Variants in KIF5C observed in about 807,000 individuals in gnomAD.
The protein encoded by KIF5C is kinesin family member 5C.
In KIF5C, 18 loss-of-function variants were observed where a neutral mutation model predicts 125.2. The observed-to-expected ratio is 0.14, with a 90% CI of 0.10 to 0.21. KIF5C has a LOEUF of 0.21. Ranked by LOEUF, KIF5C falls within the 10% of genes least tolerant of loss-of-function variation. The pLI is 1.00. For missense variants in KIF5C, 780 were observed against 1,183.8 expected, an observed-to-expected ratio of 0.66 and a Z score of 5.01; for synonymous variants, 405 against 434.0, an observed-to-expected ratio of 0.93 and a Z score of 0.83.
intron 23 of KIF5C, among the ~76,000 whole-genome samples, chr2:149,008,927 CT>C (rs1682094095): frequency 6.6e-6 from 1 of 151,012 alleles, no homozygotes; most frequent in Admixed American, 6.6e-5. Context: ...TGTCAGGGAG[CT>C]TGAAATAGGG....
chr2:148,878,419 T>C (rs979090417), intron 1 of KIF5C: 1 of 152,278 alleles, frequency 6.6e-6, no homozygotes, highest in East Asian at 1.9e-4. Flanking sequence ...TATTCCATGA[T>C]ATGAATATAC....
intron 25 of KIF5C, among the ~76,000 whole-genome samples, chr2:149,018,148 G>C (rs1317810101): frequency 2.0e-5 from 3 of 151,928 alleles, no homozygotes; most frequent in African/African-American, 7.3e-5. Context: ...AATTAGCCAG[G>C]TGTGGTAGTG....
At chr2:149,002,615 C>T (rs998574711) in intron 21 of KIF5C, among the ~76,000 whole-genome samples, 2 of 152,210 alleles carry the variant, frequency 1.3e-5, no homozygotes, top group East Asian at 1.9e-4. Flanking sequence ...TTCTCACCCT[C>T]ACTCCCCTTG....
At chr2:148,902,338 A>T (rs1680939606) in intron 1 of KIF5C, among the ~76,000 whole-genome samples, 1 of 151,886 alleles carries the variant, frequency 6.6e-6, no homozygotes, top group African/African-American at 2.4e-5. Flanking sequence ...TTTTTTTGAA[A>T]TAGTGTCTTG....
intron 2 of KIF5C, among the ~76,000 whole-genome samples, chr2:148,926,560 C>T (rs1204059719): frequency 6.6e-6 from 1 of 152,176 alleles, no homozygotes; most frequent in African/African-American, 2.4e-5. Flanking sequence ...CCCCGCAGTG[C>T]GGAGCGCGGC....
intron 21 of KIF5C, among the ~76,000 whole-genome samples, chr2:149,003,585 T>G (rs1267824926): frequency 1.3e-5 from 2 of 152,144 alleles, no homozygotes; most frequent in African/African-American, 4.8e-5. Context: ...GAGGGACATG[T>G]GTGGGGAGGC....
In KIF5C at chr2:148,941,709, G is replaced by C. The variant is rs941890772; in HGVS notation, c.445+51G>C. 1.9e-6 allele frequency: 3 copies of C among 1,541,620 alleles called. No homozygotes were observed. The African/African-American group carries it at 4.1e-5, about 21-fold the overall frequency. On this transcript the variant is annotated intron_variant, in intron 5 of 25. Coordinates refer to ENST00000435030, the MANE Select transcript of KIF5C (RefSeq NM_004522.3). ...TATTTGTTCTGTAACGAAAGTCCGGGGAGGTTGAAATGGTTTATCACACTT... is the reference window on the plus strand; with the variant it reads ...TATTTGTTCTGTAACGAAAGTCCGGCGAGGTTGAAATGGTTTATCACACTT...
chr2:148,991,787 G>A (rs946613319), intron 16 of KIF5C, among the ~76,000 whole-genome samples: 1 of 152,212 alleles, frequency 6.6e-6, no homozygotes, highest in Non-Finnish European at 1.5e-5. Context: ...TCAAAAAAAT[G>A]TGTGTGAACC....
rs115976182 is a variant in KIF5C, at chr2:148,968,274, C to T, written c.1118-5062C>T. ...ACAGGCTGAGAAAGTGTGGAAAAAT[C>T]GGCAGTCTCTAACGCAGATTTGTTC... is the stretch of plus-strand genomic sequence containing the variant. On this transcript the variant is annotated intron_variant, in intron 11 of 25. Coordinates refer to ENST00000435030, the MANE Select transcript of KIF5C (RefSeq NM_004522.3). Among the ~76,000 whole-genome samples the T allele has an allele frequency of 4.6e-3, 705 of 152,250 alleles. 4 individuals carry two copies. Among genetic ancestry groups the T allele is most frequent in the African/African-American group, 0.016 (681 of 41,538 alleles).
chr2:148,907,165 G>A (rs1681143456), intron 1 of KIF5C, among the ~76,000 whole-genome samples: 1 of 152,316 alleles, frequency 6.6e-6, no homozygotes, highest in South Asian at 2.1e-4. Context: ...ACCTGTTTTG[G>A]TCCCTCTTTG....
At position 148,950,465 on chromosome 2, in the gene KIF5C, A is replaced by T. The variant is rs1682630767; in HGVS notation, c.968+3A>T. 6.2e-6 allele frequency: 10 copies of T among 1,612,706 alleles called. No homozygotes were observed. Among genetic ancestry groups the T allele is most frequent in the Non-Finnish European group, 7.6e-6 (9 of 1,179,272 alleles). Reference sequence around the variant, plus strand: ...TCCACACTGATGTTCGGACAGAGGTACGTGTGGTCTCTCAGGACCCATCCT... The same window carrying T: ...TCCACACTGATGTTCGGACAGAGGTTCGTGTGGTCTCTCAGGACCCATCCT... On this transcript the variant is annotated splice_donor_region_variant and intron_variant, in intron 10 of 25. Coordinates refer to ENST00000435030, the MANE Select transcript of KIF5C (RefSeq NM_004522.3).
At chr2:148,979,044 T>G in intron 13 of KIF5C, 54 bp downstream of exon 13, 1 of 1,452,508 alleles carries the variant, frequency 6.9e-7, no homozygotes, top group Non-Finnish European at 9.1e-7. Context: ...TACTCTTTGT[T>G]GTTGATGTTT....
chr2:148,998,105 T>C (rs1219898811), intron 18 of KIF5C: 1 of 416,054 alleles, frequency 2.4e-6, no homozygotes, highest in East Asian at 4.7e-5. Flanking sequence ...GCCCTCTGAC[T>C]GACCTGGCTG....
intron 10 of KIF5C, among the ~76,000 whole-genome samples, chr2:148,956,083 A>C (rs112320877): frequency 6.6e-6 from 1 of 152,338 alleles, no homozygotes; most frequent in East Asian, 1.9e-4. Context: ...GGTGGGGATG[A>C]GACTCATCAG....
At chr2:148,922,296 G>A (rs1481839353) in intron 2 of KIF5C, 69 bp downstream of exon 2, 2 of 1,027,732 alleles carry the variant, frequency 1.9e-6, no homozygotes, top group African/African-American at 3.2e-5. Flanking sequence ...GATATTTGCA[G>A]CCTAGGAATC....
At position 148,875,606 on chromosome 2, in the gene KIF5C, C is replaced by T. The variant is rs753097896; in HGVS notation, c.-12C>T. On this transcript the variant is annotated 5_prime_UTR_variant, in exon 1 of 26. Transcript: ENST00000435030. The stretch of plus-strand genomic sequence containing the variant: ...CACCCATCCCCGTGCCCCCTCCCTA[C>T]CGCCGGCCGAGATGGCGGATCCAGC... 7 of 1,489,710 alleles carry T rather than the reference C, an allele frequency of 4.7e-6. No homozygotes were observed. Among genetic ancestry groups the T allele is most frequent in the Non-Finnish European group, 6.4e-6 (7 of 1,098,454 alleles). The allele number at this position is 1,489,710 out of a possible 1,614,324, so 92.3% of individuals were successfully genotyped here. A position where few individuals can be genotyped will look rare whatever the true frequency, so the allele number is the denominator to read the frequency against.
chr2:149,016,739 G>C (rs1047626885), intron 25 of KIF5C, among the ~76,000 whole-genome samples: 2 of 152,182 alleles, frequency 1.3e-5, no homozygotes, highest in Non-Finnish European at 2.9e-5. Context: ...TGGAGCACAG[G>C]AGAGAGGCTG....
intron 1 of KIF5C, among the ~76,000 whole-genome samples, chr2:148,892,305 A>G (rs887308650): frequency 1.5e-4 from 23 of 152,340 alleles, no homozygotes; most frequent in African/African-American, 5.5e-4. Context: ...ATGTCAATCA[A>G]ATGTGATAAG....
intron 8 of KIF5C, 49 bp from the exon 9 acceptor site, chr2:148,949,790 G>T: frequency 6.3e-7 from 1 of 1,580,884 alleles, no homozygotes; most frequent in Non-Finnish European, 8.6e-7. Context: ...TTTCTACTTT[G>T]TGCTTCTGCC....
Sources: gnomAD v4.1 joint callset for allele counts (sites outside exome capture counted in the v4.1 genomes callset) on GRCh38, gnomAD v4.1.1 for gene constraint, MANE v1.5 for transcripts, NCBI Gene and HGNC (gene_info 2026-07-23, HGNC 2026-07-21) for gene names.